Variants in KRT23 observed in about 807,000 individuals in gnomAD.
The protein encoded by KRT23 is keratin 23.
Under a neutral mutation model 47.6 loss-of-function variants are expected in KRT23, and 38 were observed. That is an observed-to-expected ratio of 0.80 (90% confidence interval 0.62 to 1.05). KRT23 has a LOEUF of 1.05. KRT23 is among the 50% of genes least tolerant of loss of function. The probability of loss-of-function intolerance (pLI) is 0.00; values close to 1 mark genes in which losing one functional copy is unlikely to be tolerated. For missense variants in KRT23, 503 were observed against 529.5 expected, an observed-to-expected ratio of 0.95 and a Z score of 0.49; for synonymous variants, 191 against 199.0, an observed-to-expected ratio of 0.96 and a Z score of 0.34.
At chr17:40,929,675 A>T (rs1312256997) in intron 4 of KRT23, 1 of 411,658 alleles carries the variant, frequency 2.4e-6, no homozygotes, top group Non-Finnish European at 4.3e-6. Flanking sequence ...TAACAAGCAC[A>T]TCTAGGTAAA....
intron 8 of KRT23, among the ~76,000 whole-genome samples, chr17:40,923,534 A>G (rs1178290154): frequency 2.0e-5 from 3 of 152,260 alleles, no homozygotes; most frequent in Non-Finnish European, 4.4e-5. Context: ...TTTCAAATAT[A>G]TAACTTATTT....
At chr17:40,930,641 A>G (rs890572187) in intron 3 of KRT23, among the ~76,000 whole-genome samples, 2 of 151,634 alleles carry the variant, frequency 1.3e-5, no homozygotes, top group African/African-American at 4.8e-5. Context: ...GTGTGCACCT[A>G]TAGTCCCAGC....
chr17:40,935,856 G>A (rs1017387238), intron 2 of KRT23, among the ~76,000 whole-genome samples: 8 of 152,146 alleles, frequency 5.3e-5, no homozygotes, highest in Admixed American at 1.3e-4. Context: ...CTATGACATC[G>A]TTGGGTCATA....
chr17:40,925,850 G>A (rs1909194697), intron 6 of KRT23, among the ~76,000 whole-genome samples: 1 of 152,152 alleles, frequency 6.6e-6, no homozygotes, highest in Non-Finnish European at 1.5e-5. Flanking sequence ...CCCAAAGAGC[G>A]ACAGCAACTG....
In KRT23 at chr17:40,936,645, T is replaced by C; in HGVS notation, c.-42A>G. ...GGGACGGGGCTGAGCTCTGCTCCACTCCCTGGCACCGCAGAACTGAGCCGC... is the reference window on the plus strand; with the variant it reads ...GGGACGGGGCTGAGCTCTGCTCCACCCCCTGGCACCGCAGAACTGAGCCGC... On this transcript the variant is annotated 5_prime_UTR_variant, in exon 2 of 9. Transcript: ENST00000209718. 1 of 1,481,086 alleles carries C rather than the reference T, an allele frequency of 6.8e-7. No homozygotes were observed. Among genetic ancestry groups the C allele is most frequent in the Non-Finnish European group, 8.9e-7 (1 of 1,117,774 alleles). 91.7% of individuals were successfully genotyped at this position (1,481,086 alleles called of 1,614,324 possible).
At chr17:40,933,767 C>T (rs1484371974) in intron 2 of KRT23, among the ~76,000 whole-genome samples, 2 of 152,226 alleles carry the variant, frequency 1.3e-5, no homozygotes, top group Non-Finnish European at 1.5e-5. Context: ...CTGACACAAT[C>T]TTCATGGTAA....
chr17:40,928,756 T>C (rs1942079531), intron 4 of KRT23, 149 bp from the exon 5 acceptor site: 2 of 657,976 alleles, frequency 3.0e-6, no homozygotes, highest in South Asian at 2.1e-5. Context: ...CAAATATTAC[T>C]TACTTGTTGG....
intron 3 of KRT23, among the ~76,000 whole-genome samples, chr17:40,931,147 G>A (rs1223954658): frequency 6.6e-6 from 1 of 151,476 alleles, no homozygotes; most frequent in Non-Finnish European, 1.5e-5. Flanking sequence ...GAGTAGCTGG[G>A]ACTACAGGCG....
At chr17:40,933,500 A>G (rs1178317652) in intron 2 of KRT23, among the ~76,000 whole-genome samples, 1 of 152,208 alleles carries the variant, frequency 6.6e-6, no homozygotes, top group Non-Finnish European at 1.5e-5. Flanking sequence ...TTTCTATTTG[A>G]CACACACTAT....
At chr17:40,930,327 C>A (rs561828594) in intron 3 of KRT23, among the ~76,000 whole-genome samples, 1 of 152,122 alleles carries the variant, frequency 6.6e-6, no homozygotes, top group Non-Finnish European at 1.5e-5. Context: ...CAGTCATATA[C>A]CCATTATCTA....
intron 6 of KRT23, among the ~76,000 whole-genome samples, chr17:40,926,625 C>T (rs988666873): frequency 6.6e-6 from 1 of 152,150 alleles, no homozygotes; most frequent in Non-Finnish European, 1.5e-5. Flanking sequence ...CGCCTTCTTG[C>T]GTTATCAATA....
intron 8 of KRT23, 35 bp from the exon 9 acceptor site, chr17:40,923,118 GC>G: frequency 6.8e-7 from 1 of 1,461,334 alleles, no homozygotes; most frequent in Non-Finnish European, 9.6e-7. Flanking sequence ...TCACTGCCAT[GC>G]TTCTTCCACC....
rs530439737 is a variant in KRT23, at chr17:40,924,426, T to C, written c.1174+46A>G. The C allele has an allele frequency of 1.6e-4, 247 of 1,502,520 alleles. No homozygotes were observed. In the South Asian group the frequency reaches 2.6e-3, roughly 16 times the overall value. 93.1% of individuals were successfully genotyped at this position (1,502,520 alleles called of 1,614,324 possible). ...ACTACTACAAAATGGATAACCATGC[T>C]AATTCCTTAAAAACAGAGATTCAAA... On this transcript the variant is annotated intron_variant, in intron 8 of 8. Transcript: ENST00000209718.
chr17:40,931,521 A>G (rs919192726), intron 2 of KRT23, 66 bp from the exon 3 acceptor site: 6 of 1,133,008 alleles, frequency 5.3e-6, no homozygotes, highest in Non-Finnish European at 8.1e-6. Flanking sequence ...TGACCGCTGC[A>G]TGTCTGTCCT....
At position 40,936,655 on chromosome 17, in the gene KRT23, C is replaced by T. The variant is rs770663015; in HGVS notation, c.-52G>A. 1.8e-5 allele frequency: 26 copies of T among 1,466,732 alleles called. No individual in the cohort carries two copies. Among genetic ancestry groups the T allele is most frequent in the African/African-American group, 9.9e-5 (7 of 70,444 alleles). 90.9% of individuals were successfully genotyped at this position (1,466,732 alleles called of 1,614,324 possible). Reference sequence around the variant, plus strand: ...TGAGCTCTGCTCCACTCCCTGGCACCGCAGAACTGAGCCGCCCCAGACTGC... The same window carrying T: ...TGAGCTCTGCTCCACTCCCTGGCACTGCAGAACTGAGCCGCCCCAGACTGC... On this transcript the variant is annotated 5_prime_UTR_variant, in exon 2 of 9. Transcript: ENST00000209718.
In KRT23 at chr17:40,929,994, C is replaced by T; in HGVS notation, c.582G>A (p.Gln194=). The T allele has an allele frequency of 6.2e-7, 1 of 1,614,150 alleles. No homozygotes were observed. The highest frequency in any genetic ancestry group is 1.1e-5 in the South Asian group (1 of 91,078). ...NLTIVTTDLE[Q]EVEGMRKELI... is the part of the protein sequence containing the mutation. ...GCTCTTTCCTCATTCCTTCCACCTC[C>T]TGTTCTAGGTCTGTTGTGACAATGG... The change falls in exon 4 of 9, where the codon CAG becomes CAA. Residue 194 remains glutamine (Q), a synonymous_variant. Coordinates refer to ENST00000209718, the MANE Select transcript of KRT23 (RefSeq NM_015515.5).
At position 40,930,037 on chromosome 17, in the gene KRT23, C is replaced by T. The variant is rs1303998575; in HGVS notation, c.539G>A (p.Arg180Lys). ...DLEIEVEGLR[R>K]TLDNLTIVTT... ...GACAATGGTCAGGTTGTCTAAGGTC[C>T]TTCGGAGGCCCTCGACTTCAATTTC... The change falls in exon 4 of 9, where the codon AGG becomes AAG. Residue 180 changes from arginine to lysine, a missense_variant. Physicochemically the swap from Arg to Lys is conservative, Grantham distance 26. Coordinates refer to ENST00000209718, the MANE Select transcript of KRT23 (RefSeq NM_015515.5). The T allele has an allele frequency of 4.3e-6, 7 of 1,613,962 alleles. No homozygotes were observed. The highest frequency in any genetic ancestry group is 2.2e-5 in the South Asian group (2 of 91,080).
intron 2 of KRT23, 39 bp from the exon 3 acceptor site, chr17:40,931,494 T>A (rs760172354): frequency 6.8e-7 from 1 of 1,465,826 alleles, no homozygotes; most frequent in East Asian, 2.3e-5. Flanking sequence ...GTTATCTCAC[T>A]TGGACACACC....
chr17:40,927,253 A>G (rs1909283532), intron 6 of KRT23, among the ~76,000 whole-genome samples: 1 of 152,188 alleles, frequency 6.6e-6, no homozygotes. Flanking sequence ...AAACTCCTTC[A>G]TTAAAAAATC....
Sources: allele counts gnomAD v4.1 joint callset (sites outside exome capture counted in the v4.1 genomes callset), GRCh38; gene constraint gnomAD v4.1.1; transcripts MANE v1.5; gene names NCBI Gene and HGNC (gene_info 2026-07-23, HGNC 2026-07-21).